The following PIBF1 variants were observed in gnomAD, a reference collection of about 807,000 sequenced individuals.
The protein encoded by PIBF1 is progesterone-induced-blocking factor 1.
PIBF1 carries 90 observed loss-of-function variants against 112.5 expected under a neutral mutation model. The ratio of observed to expected loss-of-function variants is 0.80; its 90% CI spans 0.67 to 0.95. The LOEUF (loss-of-function observed/expected upper bound fraction) is 0.95. PIBF1 is among the 40% of genes least tolerant of loss of function. The pLI is 0.00. For synonymous variants in PIBF1, 301 were observed against 288.6 expected (o/e 1.04, Z -0.44); for missense variants, 915 against 852.3 (o/e 1.07, Z -0.92).
chr13:72,984,413 T>G (rs1372195575), intron 16 of PIBF1, among the ~76,000 whole-genome samples: 1 of 152,176 alleles, frequency 6.6e-6, no homozygotes, highest in Non-Finnish European at 1.5e-5. Context: ...TTGCTTATGT[T>G]TTCTAGGATT....
Position 72,835,370 on chromosome 13 carries a change from T to TTA in PIBF1, c.1223+2_1223+3insTA. 7.4e-7 allele frequency: 1 copy of TTA among 1,349,396 alleles called. No individual in the cohort carries two copies. Among genetic ancestry groups the TTA allele is most frequent in the Non-Finnish European group, 1.0e-6 (1 of 1,000,410 alleles). 83.6% of individuals were successfully genotyped at this position (1,349,396 alleles called of 1,614,324 possible). Reference sequence around the variant, plus strand: ...GGAAATGTATGAACGAGAAAACAGGTAAAAAAAAAAAAATGCTTGTATGGT... The same window carrying TTA: ...GGAAATGTATGAACGAGAAAACAGGTTAAAAAAAAAAAAAATGCTTGTATGGT... On this transcript the variant is annotated splice_region_variant and intron_variant, in intron 9 of 17. Transcript: ENST00000326291.
intron 8 of PIBF1, among the ~76,000 whole-genome samples, chr13:72,832,004 C>G (rs902103778): frequency 1.4e-5 from 2 of 147,030 alleles, no homozygotes; most frequent in Non-Finnish European, 3.0e-5. Flanking sequence ...ATGTAATGCC[C>G]TTTATTCTCC....
intron 16 of PIBF1, among the ~76,000 whole-genome samples, chr13:72,997,051 A>AAG (rs1313207840): frequency 6.6e-6 from 1 of 152,180 alleles, no homozygotes. Flanking sequence ...GGATAAAGCA[A>AAG]AGATGTGAAT....
intron 5 of PIBF1, among the ~76,000 whole-genome samples, chr13:72,819,768 G>A (rs960983629): frequency 4.0e-5 from 6 of 151,736 alleles, no homozygotes; most frequent in South Asian, 4.2e-4. Flanking sequence ...TGCCCCTACC[G>A]CTAAATACTT....
chr13:72,937,463 G>T (rs1484310135), intron 14 of PIBF1, among the ~76,000 whole-genome samples: 7 of 152,078 alleles, frequency 4.6e-5, no homozygotes, highest in Admixed American at 2.0e-4. Flanking sequence ...TGTTCTTGTT[G>T]TCGTACATTT....
intron 14 of PIBF1, among the ~76,000 whole-genome samples, chr13:72,945,427 T>G (rs1594246648): frequency 1.3e-5 from 2 of 152,352 alleles, no homozygotes; most frequent in African/African-American, 4.8e-5. Context: ...CTAGGTTGAA[T>G]GATAGCTGTG....
At chr13:72,950,383 C>T (rs1012603780) in intron 14 of PIBF1, among the ~76,000 whole-genome samples, 4 of 152,086 alleles carry the variant, frequency 2.6e-5, no homozygotes, top group Non-Finnish European at 4.4e-5. Context: ...ACTTTGTTGA[C>T]TTTTTTGAAG....
chr13:72,791,072 T>TG (rs71099746), intron 2 of PIBF1, among the ~76,000 whole-genome samples: 386 of 151,090 alleles, frequency 2.6e-3, no homozygotes, highest in African/African-American at 9.4e-3. Context: ...TTTGTTTGTT[T>TG]TAGATGGAGT....
At chr13:72,909,649 A>G (rs2040829730) in intron 12 of PIBF1, among the ~76,000 whole-genome samples, 1 of 151,864 alleles carries the variant, frequency 6.6e-6, no homozygotes, top group Non-Finnish European at 1.5e-5. Context: ...ATGCGCCACC[A>G]CACCCAGCTC....
At chr13:72,943,319 T>A (rs1426762365) in intron 14 of PIBF1, among the ~76,000 whole-genome samples, 1 of 152,160 alleles carries the variant, frequency 6.6e-6, no homozygotes, top group African/African-American at 2.4e-5. Context: ...TTTACAATAA[T>A]TTATTGTATA....
chr13:72,894,772 AGTGTGTGTGTGT>A (rs35885902), intron 11 of PIBF1, among the ~76,000 whole-genome samples: 3 of 137,206 alleles, frequency 2.2e-5, no homozygotes, highest in Non-Finnish European at 4.6e-5. Context: ...ATATATATAT[AGTGTGTGTGTGT>A]GTGTGTGTGT....
chr13:72,814,697 T>C (rs539941041), intron 5 of PIBF1, among the ~76,000 whole-genome samples: 8 of 151,776 alleles, frequency 5.3e-5, no homozygotes, highest in African/African-American at 1.7e-4. Context: ...TTTAAAGCTA[T>C]GCCAAAGGAA....
chr13:72,986,452 A>T (rs1566520112), intron 16 of PIBF1, among the ~76,000 whole-genome samples: 1 of 152,120 alleles, frequency 6.6e-6, no homozygotes, highest in African/African-American at 2.4e-5. Context: ...TTAATTCAGG[A>T]ACCTACTTCA....
chr13:72,954,095 G>GT (rs1237909704), intron 14 of PIBF1, among the ~76,000 whole-genome samples: 1 of 152,158 alleles, frequency 6.6e-6, no homozygotes, highest in Non-Finnish European at 1.5e-5. Flanking sequence ...GCTGCCTCTG[G>GT]TGCACAGAAG....
chr13:72,797,755 A>G lies in PIBF1; in HGVS notation c.553-152A>G, dbSNP rs903105580. On this transcript the variant is annotated intron_variant, in intron 4 of 17. Transcript: ENST00000326291. ...AGTTAATTGAACATTAAGGCTTGAT[A>G]GAAAGTATTAGTGGCTAGGGTCCAT... is the stretch of plus-strand genomic sequence containing the variant. The G allele has an allele frequency of 1.3e-5, 7 of 544,108 alleles. No individual in the cohort carries two copies. In the African/African-American group the frequency reaches 1.4e-4, roughly 11 times the overall value. The allele number at this position is 544,108 out of a possible 1,614,324, so 33.7% of individuals were successfully genotyped here.
chr13:72,911,342 AAAT>A (rs2138668793), intron 12 of PIBF1, among the ~76,000 whole-genome samples: 1 of 152,308 alleles, frequency 6.6e-6, no homozygotes, highest in South Asian at 2.1e-4. Flanking sequence ...ATCCATACTT[AAAT>A]AATAATTTCA....
intron 10 of PIBF1, among the ~76,000 whole-genome samples, chr13:72,888,215 T>C (rs1391223827): frequency 6.6e-6 from 1 of 152,058 alleles, no homozygotes; most frequent in Admixed American, 6.6e-5. Flanking sequence ...AATGGAAAAT[T>C]ATGAGGCCAA....
At chr13:72,808,405 T>G (rs2035843452) in intron 5 of PIBF1, among the ~76,000 whole-genome samples, 1 of 152,214 alleles carries the variant, frequency 6.6e-6, no homozygotes, top group South Asian at 2.1e-4. Flanking sequence ...TTTCTTCAGA[T>G]GTCAAGTAAC....
At chr13:72,910,588 G>A (rs1437394931) in intron 12 of PIBF1, among the ~76,000 whole-genome samples, 1 of 152,030 alleles carries the variant, frequency 6.6e-6, no homozygotes, top group Non-Finnish European at 1.5e-5. Context: ...GTAAAACAGG[G>A]TTTCCTATTT....
Sources: allele counts gnomAD v4.1 joint callset (sites outside exome capture counted in the v4.1 genomes callset), GRCh38; gene constraint gnomAD v4.1.1; transcripts MANE v1.5; gene names NCBI Gene and HGNC (gene_info 2026-07-23, HGNC 2026-07-21).